ATAD3B: variants seen among roughly 807,000 people sequenced by gnomAD.
ATAD3B encodes ATPase family AAA domain containing 3B, also known as ATPase family AAA domain-containing protein 3B.
In ATAD3B, 59 loss-of-function variants were observed where a neutral mutation model predicts 70.2. The observed-to-expected ratio is 0.84, with a 90% CI of 0.68 to 1.04. The LOEUF (loss-of-function observed/expected upper bound fraction) is 1.04. ATAD3B is among the 50% of genes least tolerant of loss of function. The pLI, the probability that ATAD3B is intolerant of heterozygous loss-of-function variation, is 0.00. For synonymous variants in ATAD3B, 423 were observed against 388.6 expected (o/e 1.09, Z -1.04); for missense variants, 961 against 913.4 (o/e 1.05, Z -0.67).
chr1:1,509,254 A>T, the ATAD3B span: 2 of 1,612,884 alleles, frequency 1.2e-6, no homozygotes, highest in South Asian at 2.2e-5. Flanking sequence ...GCCATGATGG[A>T]CACCCGCGTG....
intron 1 of ATAD3B, among the ~76,000 whole-genome samples, chr1:1,472,879 G>GCT (rs1356921740): frequency 6.6e-6 from 1 of 151,970 alleles, no homozygotes; most frequent in East Asian, 1.9e-4. Flanking sequence ...TGTCGCCGAG[G>GCT]CTGGAGTGCA....
intron 12 of ATAD3B, among the ~76,000 whole-genome samples, chr1:1,488,125 T>C (rs748919426): frequency 6.6e-6 from 1 of 151,928 alleles, no homozygotes; most frequent in Non-Finnish European, 1.5e-5. Flanking sequence ...TAGTTAAGTT[T>C]TTTGTATTTT....
chr1:1,501,773 T>G (rs1165846505), downstream of ATAD3B, among the ~76,000 whole-genome samples: 5 of 152,200 alleles, frequency 3.3e-5, no homozygotes, highest in Non-Finnish European at 5.9e-5. Context: ...TTCAAATAAG[T>G]GTCATCCCGT....
At chr1:1,506,934 C>T in the ATAD3B span, among the ~76,000 whole-genome samples, 1 of 151,982 alleles carries the variant, frequency 6.6e-6, no homozygotes, top group Non-Finnish European at 1.5e-5. Flanking sequence ...AATACAGGCG[C>T]CTGCCACCAT....
rs1323860559 is a variant in ATAD3B, at chr1:1,471,987, C to A, written c.103C>A (p.Arg35Ser). 3.5e-5 allele frequency: 43 copies of A among 1,240,808 alleles called. No homozygotes were observed. The highest frequency in any genetic ancestry group is 4.1e-5 in the Non-Finnish European group (41 of 989,138). 76.9% of individuals were successfully genotyped at this position (1,240,808 alleles called of 1,614,324 possible). ...AQPGAEGGGD[R>S]GLGDRPAPKD... ...GCCCGGGGCCGAGGGCGGCGGGGAC[C>A]GCGGTTTGGGAGACCGGCCGGCGCC... Residue 35 changes from arginine (R) to serine (S), a missense_variant, in exon 1 of 16, where the codon CGC becomes AGC. Physicochemically the swap from Arg to Ser is moderately radical, Grantham distance 110 (BLOSUM62 -1). Around this residue, in one of 4 missense-constraint regions of ATAD3B, gnomAD observed 187 missense variants for 244.3 expected, o/e 0.77. Transcript: ENST00000673477.
At chr1:1,498,076 G>T (rs569284130), downstream of ATAD3B, among the ~76,000 whole-genome samples, 1 of 151,972 alleles carries the variant, frequency 6.6e-6, no homozygotes, top group South Asian at 2.1e-4. Flanking sequence ...GCTGAGGCGG[G>T]TGGATCACCT....
rs539946036 is a variant in ATAD3B, at chr1:1,489,398, A to C, written c.1337+124A>C. ...GCTGTGGCCTCAGTGTGCCCACCTC[A>C]GATGTCCCCTGGGAACGGCCCAGCT... is the stretch of plus-strand genomic sequence containing the variant. On this transcript the variant is annotated intron_variant, in intron 13 of 15. Transcript: ENST00000673477. 1.4e-5 allele frequency: 22 copies of C among 1,520,584 alleles called. 1 individual carries two copies. The highest frequency in any genetic ancestry group is 1.7e-5 in the Non-Finnish European group (19 of 1,115,748). The allele number at this position is 1,520,584 out of a possible 1,614,324, so 94.2% of individuals were successfully genotyped here. A position where few individuals can be genotyped will look rare whatever the true frequency, so the allele number is the denominator to read the frequency against.
At chr1:1,502,421 A>C (rs1425022034), downstream of ATAD3B, among the ~76,000 whole-genome samples, 1 of 144,264 alleles carries the variant, frequency 6.9e-6, no homozygotes, top group African/African-American at 2.6e-5. Flanking sequence ...TCACCATGTT[A>C]GCCAGGATGA....
downstream of ATAD3B, among the ~76,000 whole-genome samples, chr1:1,498,030 C>T (rs1010486650): frequency 2.1e-4 from 31 of 149,816 alleles, no homozygotes; most frequent in African/African-American, 6.6e-4. Flanking sequence ...AATCCAGGTG[C>T]CGTGGCTCAC....
At chr1:1,478,375 C>G in intron 2 of ATAD3B, 10 of 1,456,268 alleles carry the variant, frequency 6.9e-6, no homozygotes, top group Non-Finnish European at 9.1e-6. Context: ...TGGAGCTGCC[C>G]AGAAACAGCC....
chr1:1,499,964 C>T (rs1249792009), downstream of ATAD3B, among the ~76,000 whole-genome samples: 1 of 148,736 alleles, frequency 6.7e-6, no homozygotes, highest in Admixed American at 6.8e-5. Context: ...GTGGCACGAT[C>T]TTGTCTCACT....
chr1:1,504,666 A>G, the ATAD3B span, among the ~76,000 whole-genome samples: 2 of 151,318 alleles, frequency 1.3e-5, no homozygotes, highest in South Asian at 2.1e-4. Flanking sequence ...CAAAAAAAAA[A>G]AGAGAGAACA....
At chr1:1,481,022 C>T (rs1639885968) in intron 5 of ATAD3B, 86 bp downstream of exon 5, 9 of 1,556,922 alleles carry the variant, frequency 5.8e-6, no homozygotes, top group Non-Finnish European at 7.8e-6. Context: ...AGTTCTGCCG[C>T]CCGGCCCCTC....
the ATAD3B span, among the ~76,000 whole-genome samples, chr1:1,507,116 G>C: frequency 6.6e-6 from 1 of 152,188 alleles, no homozygotes; most frequent in Non-Finnish European, 1.5e-5. Flanking sequence ...CTACATATAA[G>C]ATTATATCAT....
rs1336334313 is a variant in ATAD3B, at chr1:1,497,624, T to C, written c.*1807T>C. On this transcript the variant is annotated 3_prime_UTR_variant, in exon 16 of 16. Transcript: ENST00000673477. ...GCTCACGCCTGTAATCCCAGCACTT[T>C]GGGAGGCCAAGGCGGGTGAATCATG... is the stretch of plus-strand genomic sequence containing the variant. The C allele has an allele frequency of 6.6e-6, 1 of 151,824 alleles. No homozygotes were observed. The highest frequency in any genetic ancestry group is 1.5e-5 in the Non-Finnish European group (1 of 68,022). 9.4% of individuals were successfully genotyped at this position (151,824 alleles called of 1,614,324 possible). A position where few individuals can be genotyped will look rare whatever the true frequency, so the allele number is the denominator to read the frequency against.
At position 1,490,043 on chromosome 1, in the gene ATAD3B, C is replaced by T. The variant is rs1239789440; in HGVS notation, c.1338-214C>T. ...GTACCACACAGGGCAAGAACAGAGG[C>T]CCGAGAAGCCGGGCGGGGGGCAGCT... On this transcript the variant is annotated intron_variant, in intron 13 of 15. Coordinates refer to ENST00000673477, the MANE Select transcript of ATAD3B (RefSeq NM_031921.6). 1.2e-5 allele frequency: 17 copies of T among 1,398,678 alleles called. 1 individual carries two copies. Among genetic ancestry groups the T allele is most frequent in the Admixed American group, 3.0e-5 (1 of 33,652 alleles). 86.6% of individuals were successfully genotyped at this position (1,398,678 alleles called of 1,614,324 possible).
rs1640793235 is a variant in ATAD3B, at chr1:1,496,311, A to G, written c.*494A>G. On this transcript the variant is annotated 3_prime_UTR_variant, in exon 16 of 16. Transcript: ENST00000673477. ...GGCAGAGGCTGGAGCTTTCTGGAGAATTTACTGATCACAGAGCGGTGTGCT... is the reference window on the plus strand; with the variant it reads ...GGCAGAGGCTGGAGCTTTCTGGAGAGTTTACTGATCACAGAGCGGTGTGCT... 4 of 904,688 alleles carry G rather than the reference A, an allele frequency of 4.4e-6. No individual in the cohort carries two copies. The highest frequency in any genetic ancestry group is 5.1e-5 in the South Asian group (1 of 19,678). The allele number at this position is 904,688 out of a possible 1,614,324, so 56.0% of individuals were successfully genotyped here.
the ATAD3B span, chr1:1,503,416 G>T: frequency 1.3e-3 from 874 of 675,514 alleles, 7 homozygotes; most frequent in African/African-American, 0.013. Flanking sequence ...CTGGGGATGG[G>T]GCATCGTCAC....
intron 15 of ATAD3B, among the ~76,000 whole-genome samples, chr1:1,492,143 G>A (rs1640569502): frequency 6.6e-6 from 1 of 151,704 alleles, no homozygotes; most frequent in African/African-American, 2.4e-5. Flanking sequence ...CTGTGATTGT[G>A]CCACTGCACT....
Sources: gnomAD v4.1 joint callset for allele counts (sites outside exome capture counted in the v4.1 genomes callset) on GRCh38, gnomAD v4.1.1 for gene constraint, gnomAD v4.1.1 regional missense constraint, MANE v1.5 for transcripts, NCBI Gene and HGNC (gene_info 2026-07-23, HGNC 2026-07-21) for gene names.